The following ADAD2 variants were observed in gnomAD, a reference collection of about 807,000 sequenced individuals.
The protein encoded by ADAD2 is adenosine deaminase domain containing 2.
ADAD2 carries 60 observed loss-of-function variants against 54.5 expected under a neutral mutation model. The ratio of observed to expected loss-of-function variants is 1.10; its 90% CI spans 0.89 to 1.36. The LOEUF is 1.36. Among genes scored for constraint, ADAD2 ranks in the 40% most tolerant of loss-of-function variants. The pLI is 0.00. For synonymous variants in ADAD2, 543 were observed against 366.2 expected (o/e 1.48, Z -5.51); for missense variants, 1,103 against 801.3 (o/e 1.38, Z -4.54).
intron 6 of ADAD2, 59 bp downstream of exon 6, chr16:84,195,756 G>T (rs2089720562): frequency 1.3e-6 from 2 of 1,536,898 alleles, no homozygotes; most frequent in East Asian, 2.3e-5. Context: ...GCTGCTGGGT[G>T]GGGGCCAGGG....
At chr16:84,196,524 C>T in intron 8 of ADAD2, 123 bp from the exon 9 acceptor site, 1 of 1,549,866 alleles carries the variant, frequency 6.5e-7, no homozygotes, top group Non-Finnish European at 8.7e-7. Flanking sequence ...GGCCACACCT[C>T]TGTCTGCCCT....
chr16:84,193,524 C>T (rs181288771), intron 1 of ADAD2: 10 of 155,664 alleles, frequency 6.4e-5, no homozygotes, highest in Non-Finnish European at 1.1e-4. Context: ...CTTGCTTTGT[C>T]CCCTGGCGAT....
intron 1 of ADAD2, 152 bp from the exon 2 acceptor site, chr16:84,194,290 G>C (rs1191817460): frequency 4.5e-6 from 7 of 1,549,326 alleles, no homozygotes; most frequent in East Asian, 2.4e-5. Context: ...CGCGGCATGG[G>C]GTGGCGATGG....
chr16:84,195,511 C>T lies in ADAD2; in HGVS notation c.885-19C>T, dbSNP rs899323664. On this transcript the variant is annotated intron_variant, in intron 5 of 9. Transcript: ENST00000315906. ...CCAGGACAAGGTCTTCCCAACCACC[C>T]TGTGCCTGTCGCTCCTAGGTTCTTG... 5.0e-6 allele frequency: 8 copies of T among 1,601,278 alleles called. No individual in the cohort carries two copies. In the African/African-American group the frequency reaches 1.1e-4, roughly 21 times the overall value.
In ADAD2 at chr16:84,191,512, C is replaced by A. The variant is rs759100597; in HGVS notation, c.282C>A (p.Ala94=). ...ACTTGGGGGAACAGATGGGGAAGGC[C>A]CCGAGGGTCCCTGTGCCCCCAGCAG... ...WENLGEQMGK[A]PRVPVPPAGL... The change falls in exon 1 of 10, where the codon GCC becomes GCA. Residue 94 remains alanine, a synonymous_variant. Coordinates refer to ENST00000315906, the MANE Select transcript of ADAD2 (RefSeq NM_001145400.2). 29 of 1,544,548 alleles carry A rather than the reference C, an allele frequency of 1.9e-5. No individual in the cohort carries two copies. The highest frequency in any genetic ancestry group is 1.2e-4 in the Admixed American group (6 of 50,538).
Position 84,195,878 on chromosome 16 carries a change from G to C in ADAD2, c.1116G>C (p.Val372=). 1 of 1,604,426 alleles carries C rather than the reference G, an allele frequency of 6.2e-7. No homozygotes were observed. Among genetic ancestry groups the C allele is most frequent in the Non-Finnish European group, 8.5e-7 (1 of 1,179,356 alleles). The change falls in exon 7 of 10, where the codon GTG becomes GTC. Residue 372 remains valine, a synonymous_variant. Transcript: ENST00000315906. ...CACCCATGCGCCTGCAGGCCCATGT[G>C]CTCGGGCAGCTGAAGCCTGTGTGCT... is the stretch of plus-strand genomic sequence containing the variant. ...HSPPMRLQAH[V]LGQLKPVCYV...
rs201154439 is a variant in ADAD2, at chr16:84,196,767, G to A, written c.1647G>A (p.Lys549=). The A allele has an allele frequency of 5.0e-6, 8 of 1,609,334 alleles. No individual in the cohort carries two copies. The highest frequency in any genetic ancestry group is 6.8e-6 in the Non-Finnish European group (8 of 1,177,118). ...LLALKTYEAA[K]AGPYQEARRQ... is the part of the protein sequence containing the mutation. ...CCTTGAAGACCTACGAGGCTGCCAA[G>A]GTTGGTTCCCCACCCTCCCCCCGTC... Residue 549 remains lysine, a splice_region_variant and synonymous_variant, in exon 9 of 10, where the codon AAG becomes AAA. Coordinates refer to ENST00000315906, the MANE Select transcript of ADAD2 (RefSeq NM_001145400.2).
Position 84,195,376 on chromosome 16 carries a change from T to C in ADAD2, c.814T>C (p.Trp272Arg), listed in dbSNP as rs1264026708. The C allele has an allele frequency of 6.2e-6, 10 of 1,609,330 alleles. No homozygotes were observed. Among genetic ancestry groups the C allele is most frequent in the Non-Finnish European group, 8.5e-6 (10 of 1,179,492 alleles). The change falls in exon 5 of 10, where the codon TGG (tryptophan) becomes CGG (arginine). Residue 272 changes from tryptophan to arginine, a missense_variant. Coordinates refer to ENST00000315906, the MANE Select transcript of ADAD2 (RefSeq NM_001145400.2). ...LGTGSSCCAGWLEFSGQQLHD... is the reference protein window; with the variant it reads ...LGTGSSCCAGRLEFSGQQLHD... ...CACCGGCAGCAGCTGCTGTGCTGGC[T>C]GGCTGGAGTTCTCGGGCCAGCAGCT...
Position 84,196,892 on chromosome 16 carries a change from G to C in ADAD2, c.1670G>C (p.Arg557Pro), listed in dbSNP as rs373568054. Residue 557 changes from arginine to proline, a missense_variant, in exon 10 of 10, where the codon CGC becomes CCC. Coordinates refer to ENST00000315906, the MANE Select transcript of ADAD2 (RefSeq NM_001145400.2). ...AAKAGPYQEA[R>P]RQLSLLLDQQ... Reference sequence around the variant, plus strand: ...TAGGCTGGGCCCTACCAGGAGGCTCGCAGGCAGCTGTCTCTCCTCCTGGAC... The same window carrying C: ...TAGGCTGGGCCCTACCAGGAGGCTCCCAGGCAGCTGTCTCTCCTCCTGGAC... 2 of 1,593,532 alleles carry C rather than the reference G, an allele frequency of 1.3e-6. No homozygotes were observed. Among genetic ancestry groups the C allele is most frequent in the Admixed American group, 1.8e-5 (1 of 56,612 alleles).
At chr16:84,195,758 G>T in intron 6 of ADAD2, 57 bp from the exon 7 acceptor site, 2 of 1,539,088 alleles carry the variant, frequency 1.3e-6, no homozygotes, top group Non-Finnish European at 8.7e-7. Context: ...TGCTGGGTGG[G>T]GGCCAGGGTC....
In ADAD2 at chr16:84,191,578, C is replaced by T. The variant is rs79224535; in HGVS notation, c.348C>T (p.Ala116=). The change falls in exon 1 of 10, where the codon GCC becomes GCT. Residue 116 remains alanine, a synonymous_variant. Coordinates refer to ENST00000315906, the MANE Select transcript of ADAD2 (RefSeq NM_001145400.2). ...LPLKDPPASQ[A]VSLLTEYAAS... Reference sequence around the variant, plus strand: ...TCAAAGACCCACCTGCCAGCCAGGCCGTGTCCTTGCTCACGGAGTACGCGG... The same window carrying T: ...TCAAAGACCCACCTGCCAGCCAGGCTGTGTCCTTGCTCACGGAGTACGCGG... The T allele has an allele frequency of 0.023, 35,833 of 1,549,612 alleles. 538 individuals are homozygous for T. The highest frequency in any genetic ancestry group is 0.07 in the East Asian group (2,865 of 40,932).
chr16:84,193,603 A>C (rs1023748333), intron 1 of ADAD2: 1 of 162,796 alleles, frequency 6.1e-6, no homozygotes, highest in African/African-American at 2.4e-5. Context: ...GTGCTGAATA[A>C]GTCATCCAGG....
rs537456691 is a variant in ADAD2, at chr16:84,195,302, C to T, written c.740C>T (p.Pro247Leu). The T allele has an allele frequency of 9.4e-5, 152 of 1,611,340 alleles. No individual in the cohort carries two copies. The highest frequency in any genetic ancestry group is 2.6e-4 in the South Asian group (24 of 91,042). ...TCTGCCCCCTCCTGCACAGAGATCC[C>T]GCGTGCCAGGGGCCACGTGAAGGAG... ...VAGVILEREIPRARGHVKEIY... is the reference protein window; with the variant it reads ...VAGVILEREILRARGHVKEIY... Residue 247 changes from proline (P) to leucine (L), a missense_variant, in exon 5 of 10, where the codon CCG becomes CTG. By Grantham distance (98) the Pro-to-Leu change is moderately conservative (BLOSUM62 -3). Transcript: ENST00000315906.
chr16:84,191,699 C>G, intron 1 of ADAD2, 51 bp downstream of exon 1: 1 of 1,543,106 alleles, frequency 6.5e-7, no homozygotes, highest in Non-Finnish European at 8.7e-7. Context: ...CCACGGAGGG[C>G]TGGGTCCCAG....
chr16:84,191,802 T>TG (rs2089659348), intron 1 of ADAD2, 154 bp downstream of exon 1: 1 of 1,118,952 alleles, frequency 8.9e-7, no homozygotes, highest in African/African-American at 1.5e-5. Context: ...CTTGGGACCT[T>TG]GGGGTGGACC....
intron 1 of ADAD2, 172 bp downstream of exon 1, chr16:84,191,820 G>T (rs757793881): frequency 8.6e-6 from 8 of 930,376 alleles, no homozygotes; most frequent in Admixed American, 8.0e-5. Flanking sequence ...ACCCTGCTGT[G>T]AGCAGCGATC....
Position 84,197,164 on chromosome 16 carries a change from G to T in ADAD2, c.*190G>T, listed in dbSNP as rs1175044329. On this transcript the variant is annotated 3_prime_UTR_variant, in exon 10 of 10. Transcript: ENST00000315906. ...GGGCTTGAATAAAGAAGTATTTCTG[G>T]TTCCTGTGTGTGTAGTTGGCTGTGT... 3 of 587,298 alleles carry T rather than the reference G, an allele frequency of 5.1e-6. No individual in the cohort carries two copies. The highest frequency in any genetic ancestry group is 4.2e-5 in the African/African-American group (2 of 48,028). The allele number at this position is 587,298 out of a possible 1,614,324, so 36.4% of individuals were successfully genotyped here. A position where few individuals can be genotyped will look rare whatever the true frequency, so the allele number is the denominator to read the frequency against.
chr16:84,194,761 C>T, intron 2 of ADAD2, 172 bp from the exon 3 acceptor site: 1 of 1,285,840 alleles, frequency 7.8e-7, no homozygotes, highest in Non-Finnish European at 1.1e-6. Flanking sequence ...TGTGCCGGTC[C>T]CTGCTTTCAC....
chr16:84,191,675 G>A, intron 1 of ADAD2, 27 bp downstream of exon 1: 2 of 1,550,534 alleles, frequency 1.3e-6, no homozygotes, highest in Non-Finnish European at 1.7e-6. Flanking sequence ...GCATGGCTGT[G>A]CCAGAGGGCA....
Sources: gnomAD v4.1 joint callset for allele counts on GRCh38, gnomAD v4.1.1 for gene constraint, MANE v1.5 for transcripts, NCBI Gene and HGNC (gene_info 2026-07-23, HGNC 2026-07-21) for gene names.